PFKFB3: variants seen among roughly 807,000 people sequenced by gnomAD.
PFKFB3 encodes 6-phosphofructo-2-kinase/fructose-2,6-biphosphatase 3.
PFKFB3 carries 33 observed loss-of-function variants against 68.0 expected under a neutral mutation model. That is an observed-to-expected ratio of 0.49 (90% CI 0.37 to 0.65). The LOEUF (loss-of-function observed/expected upper bound fraction) is 0.65. Among genes scored for constraint, PFKFB3 ranks in the 30% least tolerant of loss-of-function variants. The pLI, the probability that PFKFB3 is intolerant of heterozygous loss-of-function variation, is 0.00. For synonymous variants in PFKFB3, 315 were observed against 288.2 expected (o/e 1.09, Z -0.94); for missense variants, 586 against 712.2 (o/e 0.82, Z 2.02).
chr10:6,200,436 C>G (rs1047611670), upstream of PFKFB3, among the ~76,000 whole-genome samples: 1 of 152,050 alleles, frequency 6.6e-6, no homozygotes, highest in Admixed American at 6.6e-5. Context: ...GATGTCCAAA[C>G]TAGTAAACTC....
In PFKFB3 at chr10:6,233,060, G is replaced by A. The variant is rs1845842496; in HGVS notation, c.*118G>A. ...TCCGGAGAGGGTGGGGTGGAGCAGC[G>A]GGGGAGCCTTGGCCGAAGAGAACCA... On this transcript the variant is annotated 3_prime_UTR_variant, in exon 15 of 15. Transcript: ENST00000379775. 15 of 807,738 alleles carry A rather than the reference G, an allele frequency of 1.9e-5. No individual in the cohort carries two copies. Among genetic ancestry groups the A allele is most frequent in the South Asian group, 1.8e-4 (12 of 68,354 alleles). The allele number at this position is 807,738 out of a possible 1,614,324, so 50.0% of individuals were successfully genotyped here.
At chr10:6,211,540 G>C (rs1184067233) in intron 1 of PFKFB3, among the ~76,000 whole-genome samples, 6 of 152,186 alleles carry the variant, frequency 3.9e-5, no homozygotes, top group Admixed American at 2.0e-4. Context: ...ACAGCTGCCA[G>C]AATGACCCTG....
chr10:6,244,689 A>G (rs1452233172), intron 14 of PFKFB3, among the ~76,000 whole-genome samples: 2 of 152,098 alleles, frequency 1.3e-5, no homozygotes, highest in Admixed American at 6.6e-5. Flanking sequence ...ACAAAGGATT[A>G]GGGAGGGATG....
At position 6,232,991 on chromosome 10, in the gene PFKFB3, T is replaced by C. The variant is rs754601463; in HGVS notation, c.*49T>C. 3.4e-6 allele frequency: 5 copies of C among 1,471,802 alleles called. No homozygotes were observed. The allele number at this position is 1,471,802 out of a possible 1,614,324, so 91.2% of individuals were successfully genotyped here. ...ATTTCCATTTCTGCAGCTTAGCTTG[T>C]GTCCTGCCCTCCGCCCGAGGCAAAA... On this transcript the variant is annotated 3_prime_UTR_variant, in exon 15 of 15. Transcript: ENST00000379775.
the PFKFB3 span, among the ~76,000 whole-genome samples, chr10:6,277,337 G>A: frequency 4.6e-5 from 7 of 151,738 alleles, no homozygotes; most frequent in Non-Finnish European, 7.4e-5. Flanking sequence ...GGGTTCCAGC[G>A]ATTCTCCTGA....
chr10:6,291,282 C>T, the PFKFB3 span, among the ~76,000 whole-genome samples: 95,336 of 151,774 alleles, frequency 0.63, 30,653 homozygotes, highest in East Asian at 0.76. Flanking sequence ...TTATCTTGTT[C>T]AGGCTGGGCG....
chr10:6,156,639 C>A (rs1159827695), intron 1 of PFKFB3, among the ~76,000 whole-genome samples: 1 of 151,438 alleles, frequency 6.6e-6, no homozygotes, highest in Non-Finnish European at 1.5e-5. Flanking sequence ...CTCCCACCAC[C>A]ACCATGCCCG....
In PFKFB3 at chr10:6,219,588, C is replaced by T; in HGVS notation, c.518C>T (p.Pro173Leu). Residue 173 changes from proline (P) to leucine (L), a missense_variant, in exon 7 of 15, where the codon CCG (proline) becomes CTG (leucine). Coordinates refer to ENST00000379775, the MANE Select transcript of PFKFB3 (RefSeq NM_004566.4). ...TTGCAGGAAGTTAAAATCTCCAGCC[C>T]GGATTACAAAGACTGCAACTCGGCA... ...SNIMEVKISS[P>L]DYKDCNSAEA... 6 of 1,613,954 alleles carry T rather than the reference C, an allele frequency of 3.7e-6. No individual in the cohort carries two copies. Among genetic ancestry groups the T allele is most frequent in the Non-Finnish European group, 4.2e-6 (5 of 1,179,906 alleles).
chr10:6,232,776 T>G, intron 14 of PFKFB3, 119 bp from the exon 15 acceptor site: 1 of 810,056 alleles, frequency 1.2e-6, no homozygotes, highest in Non-Finnish European at 2.1e-6. Flanking sequence ...GATCATGTTC[T>G]TTGTCTGGGA....
intron 1 of PFKFB3, among the ~76,000 whole-genome samples, chr10:6,186,582 T>C (rs1842874227): frequency 6.6e-6 from 1 of 152,224 alleles, no homozygotes; most frequent in Non-Finnish European, 1.5e-5. Context: ...AATGGCACTG[T>C]GTATGTGGAT....
In PFKFB3 at chr10:6,229,045, C is replaced by CA; in HGVS notation, c.1515+2685dup. ...ATGAAGTGTCATCCCCTTGCCCCCC[C>CA]AAAAACACACCCGCCCCTTTATTTC... On this transcript the variant is annotated intron_variant, in intron 14 of 14. Coordinates refer to ENST00000379775, the MANE Select transcript of PFKFB3 (RefSeq NM_004566.4). This position sits in a 1 kb window ranked among gnomAD's most constrained non-coding sequence, Gnocchi z 4.3. 2.0e-6 allele frequency: 1 copy of CA among 491,388 alleles called. No individual in the cohort carries two copies. Among genetic ancestry groups the CA allele is most frequent in the South Asian group, 1.5e-5 (1 of 66,016 alleles). The allele number at this position is 491,388 out of a possible 1,614,324, so 30.4% of individuals were successfully genotyped here.
At chr10:6,177,395 T>C (rs1468296799) in intron 1 of PFKFB3, among the ~76,000 whole-genome samples, 3 of 145,422 alleles carry the variant, frequency 2.1e-5, no homozygotes, top group East Asian at 2.1e-4. Flanking sequence ...TTTCTTTCTT[T>C]CTTTCTTTCT....
rs542362285 is a variant in PFKFB3 at position 6,215,894 on chromosome 10, C to G, written c.300-231C>G. On this transcript the variant is annotated intron_variant, in intron 3 of 14. Coordinates refer to ENST00000379775, the MANE Select transcript of PFKFB3 (RefSeq NM_004566.4). The surrounding 1 kb of genome is among the most constrained non-coding windows in gnomAD (Gnocchi z 4.3). The stretch of plus-strand genomic sequence containing the variant: ...TTAGCAGCTCCCCAGGAGTGGTTCC[C>G]GCGTGCAGCCCGGTTTGAGCACCGC... Among the ~76,000 whole-genome samples the G allele has an allele frequency of 1.3e-5, 2 of 152,160 alleles. No individual in the cohort carries two copies. Among genetic ancestry groups the G allele is most frequent in the African/African-American group, 2.4e-5 (1 of 41,440 alleles).
intron 1 of PFKFB3, among the ~76,000 whole-genome samples, chr10:6,209,927 G>C (rs1229820243): frequency 1.3e-5 from 2 of 151,978 alleles, no homozygotes; most frequent in Non-Finnish European, 2.9e-5. Context: ...ATCACGCCTG[G>C]CTAATGTTTT....
At chr10:6,151,157 C>T (rs544497460) in intron 1 of PFKFB3, among the ~76,000 whole-genome samples, 50 of 152,194 alleles carry the variant, frequency 3.3e-4, no homozygotes, top group African/African-American at 9.1e-4. Flanking sequence ...TCCCACTTAC[C>T]GTAGCTCCCC....
chr10:6,216,325 G>A, intron 4 of PFKFB3, 134 bp downstream of exon 4: 3 of 835,152 alleles, frequency 3.6e-6, no homozygotes, highest in Non-Finnish European at 4.0e-6. Context: ...GCAGCCCAAT[G>A]GCTCAGGAAG....
At position 6,226,349 on chromosome 10, in the gene PFKFB3, C is replaced by A. The variant is rs150176706; in HGVS notation, c.1499C>A (p.Thr500Lys). The A allele has an allele frequency of 3.1e-6, 5 of 1,612,814 alleles. No individual in the cohort carries two copies. The African/African-American group carries it at 6.7e-5, about 22-fold the overall frequency. ...LPSCLPPEVP[T>K]QLPGQNMKGS... is the part of the protein sequence containing the mutation. Reference sequence around the variant, plus strand: ...AGCTGCCTGCCCCCGGAGGTGCCCACGCAGCTGCCTGGACAAGTCAGTGCA... The same window carrying A: ...AGCTGCCTGCCCCCGGAGGTGCCCAAGCAGCTGCCTGGACAAGTCAGTGCA... The change falls in exon 14 of 15, where the codon ACG (threonine) becomes AAG (lysine). Residue 500 changes from threonine to lysine, a missense_variant. Coordinates refer to ENST00000379775, the MANE Select transcript of PFKFB3 (RefSeq NM_004566.4).
the PFKFB3 span, among the ~76,000 whole-genome samples, chr10:6,268,252 T>C: frequency 6.6e-6 from 1 of 152,222 alleles, no homozygotes; most frequent in Admixed American, 6.5e-5. Context: ...TTGTACTTCT[T>C]GATAAACTTC....
chr10:6,159,330 G>A (rs1342623933), intron 1 of PFKFB3, among the ~76,000 whole-genome samples: 2 of 151,964 alleles, frequency 1.3e-5, no homozygotes, highest in South Asian at 2.1e-4. Context: ...GGGAGGTGGA[G>A]GTTGCAGTGA....
Sources: allele counts gnomAD v4.1 joint callset (sites outside exome capture counted in the v4.1 genomes callset), GRCh38; gene constraint gnomAD v4.1.1; non-coding constraint Gnocchi (gnomAD v3.1); transcripts MANE v1.5; gene names NCBI Gene and HGNC (gene_info 2026-07-23, HGNC 2026-07-21).